Variants in IRS2 observed in about 807,000 individuals in gnomAD.
The protein encoded by IRS2 is insulin receptor substrate 2.
Under a neutral mutation model 70.9 loss-of-function variants are expected in IRS2, and 28 were observed. The observed-to-expected ratio is 0.39, with a 90% CI of 0.29 to 0.54. The LOEUF is 0.54. IRS2 is among the 20% of genes least tolerant of loss of function. IRS2 has a pLI of 0.59. For synonymous variants in IRS2, 1,217 were observed against 981.9 expected (o/e 1.24, Z -4.48); for missense variants, 2,081 against 2,024.1 (o/e 1.03, Z -0.54).
At chr13:109,762,068 T>C (rs1021198619) in intron 1 of IRS2, among the ~76,000 whole-genome samples, 3 of 152,180 alleles carry the variant, frequency 2.0e-5, no homozygotes, top group African/African-American at 7.2e-5. Context: ...CCTCTACACA[T>C]TCAACTTTCC....
intron 1 of IRS2, among the ~76,000 whole-genome samples, chr13:109,756,671 G>A (rs1877113694): frequency 6.6e-6 from 1 of 152,218 alleles, no homozygotes; most frequent in Admixed American, 6.5e-5. Flanking sequence ...AATGACCCCT[G>A]TAACTCCTTA....
At position 109,786,081 on chromosome 13, in the gene IRS2, G is replaced by A. The variant is rs1408035553; in HGVS notation, c.-28C>T. The A allele has an allele frequency of 2.9e-6, 3 of 1,048,476 alleles. No individual in the cohort carries two copies. Among genetic ancestry groups the A allele is most frequent in the Non-Finnish European group, 3.4e-6 (3 of 876,834 alleles). The allele number at this position is 1,048,476 out of a possible 1,614,324, so 64.9% of individuals were successfully genotyped here. ...CGGGCGCTTCAGGCCGCGCGGCCCG[G>A]GCCCGGCGCCCAGGGGTTGGGGCGA... On this transcript the variant is annotated 5_prime_UTR_variant, in exon 1 of 2. Transcript: ENST00000375856. The surrounding 1 kb of genome is among the most constrained non-coding windows in gnomAD (Gnocchi z 4.4).
chr13:109,783,055 C>A lies in IRS2; in HGVS notation c.2999G>T (p.Gly1000Val). 7.3e-7 allele frequency: 1 copy of A among 1,376,456 alleles called. No homozygotes were observed. Among genetic ancestry groups the A allele is most frequent in the Non-Finnish European group, 9.3e-7 (1 of 1,070,972 alleles). The allele number at this position is 1,376,456 out of a possible 1,614,324, so 85.3% of individuals were successfully genotyped here. Reference sequence around the variant, plus strand: ...GGGGGACAGGAGGCCGTCCAAGGAGCCCACGGGGTGGCCGCTCGGGGCGCC... The same window carrying A: ...GGGGGACAGGAGGCCGTCCAAGGAGACCACGGGGTGGCCGCTCGGGGCGCC... ...KPGAPSGHPVGSLDGLLSPEA... is the reference protein window; with the variant it reads ...KPGAPSGHPVVSLDGLLSPEA... The change falls in exon 1 of 2, where the codon GGC becomes GTC. Residue 1000 changes from glycine to valine, a missense_variant. This residue lies in a region of IRS2 where 1,615 missense variants were observed against 1,459.5 expected (regional missense o/e 1.11). Coordinates refer to ENST00000375856, the MANE Select transcript of IRS2 (RefSeq NM_003749.3).
rs1207111447 is a variant in IRS2 at position 109,753,727 on chromosome 13, T to TC, written c.*2576dup. ...AAAAGTTTTAAAATTAAAAGGGGTA[T>TC]CCAAGTATTTTTAGGAGCCTAGTAT... On this transcript the variant is annotated 3_prime_UTR_variant, in exon 2 of 2. Transcript: ENST00000375856. 5.3e-5 allele frequency: 10 copies of TC among 190,286 alleles called. No homozygotes were observed. The highest frequency in any genetic ancestry group is 2.3e-4 in the African/African-American group (10 of 42,986). The allele number at this position is 190,286 out of a possible 1,614,324, so 11.8% of individuals were successfully genotyped here. A position where few individuals can be genotyped will look rare whatever the true frequency, so the allele number is the denominator to read the frequency against.
At position 109,754,257 on chromosome 13, in the gene IRS2, G is replaced by C. The variant is rs892338627; in HGVS notation, c.*2047C>G. On this transcript the variant is annotated 3_prime_UTR_variant, in exon 2 of 2. Coordinates refer to ENST00000375856, the MANE Select transcript of IRS2 (RefSeq NM_003749.3). ...AAACTAAATTAAAAATGTAAATATT[G>C]CATATGCCTTTTTGTGAAATGTACA... 4.8e-5 allele frequency: 11 copies of C among 229,620 alleles called. No homozygotes were observed. The highest frequency in any genetic ancestry group is 2.0e-4 in the African/African-American group (9 of 45,134). 14.2% of individuals were successfully genotyped at this position (229,620 alleles called of 1,614,324 possible).
At chr13:109,770,373 G>A (rs1877425486) in intron 1 of IRS2, among the ~76,000 whole-genome samples, 1 of 152,240 alleles carries the variant, frequency 6.6e-6, no homozygotes. Flanking sequence ...AGGAGAGCTT[G>A]GAGGCAAGGC....
intron 1 of IRS2, among the ~76,000 whole-genome samples, chr13:109,762,883 C>T (rs895074042): frequency 1.5e-4 from 23 of 152,188 alleles, no homozygotes; most frequent in Admixed American, 1.2e-3. Flanking sequence ...TTTAGGACTG[C>T]GTGAGACCCA....
Position 109,769,256 on chromosome 13 carries a change from T to C in IRS2, c.4012+12786A>G, listed in dbSNP as rs1038112350. On this transcript the variant is annotated intron_variant, in intron 1 of 1. Coordinates refer to ENST00000375856, the MANE Select transcript of IRS2 (RefSeq NM_003749.3). ...GATGATGGAATTGATGGCTACAGTA[T>C]GAAAGTTTTTAAAAGCTCTGCATAT... Among the ~76,000 whole-genome samples, 8 of 152,346 alleles carry C rather than the reference T, an allele frequency of 5.3e-5. No homozygotes were observed. The South Asian group carries it at 1.7e-3, about 32-fold the overall frequency.
chr13:109,761,194 G>C (rs1463782979), intron 1 of IRS2, among the ~76,000 whole-genome samples: 1 of 152,230 alleles, frequency 6.6e-6, no homozygotes, highest in Non-Finnish European at 1.5e-5. Context: ...CCATGGCACG[G>C]CTGTGGGACA....
chr13:109,784,772 T>G lies in IRS2; in HGVS notation c.1282A>C (p.Ser428Arg), dbSNP rs1020638487. ...GCCACGGGCATGGACATGGAGCGGCTGTGTTGCAGCGCGCCCCCTGCCGGC... is the reference window on the plus strand; with the variant it reads ...GCCACGGGCATGGACATGGAGCGGCGGTGTTGCAGCGCGCCCCCTGCCGGC... ...LLPAGGALQH[S>R]RSMSMPVAHS... The change falls in exon 1 of 2, where the codon AGC becomes CGC. Residue 428 changes from serine to arginine, a missense_variant. Around this residue, in one of 4 missense-constraint regions of IRS2, gnomAD observed 1,615 missense variants for 1,459.5 expected, o/e 1.11. Transcript: ENST00000375856. This position sits in a 1 kb window ranked among gnomAD's most constrained non-coding sequence, Gnocchi z 5.2. 1.0e-5 allele frequency: 13 copies of G among 1,251,298 alleles called. No homozygotes were observed. Among genetic ancestry groups the G allele is most frequent in the Non-Finnish European group, 1.3e-5 (13 of 998,374 alleles). The allele number at this position is 1,251,298 out of a possible 1,614,324, so 77.5% of individuals were successfully genotyped here. A position where few individuals can be genotyped will look rare whatever the true frequency, so the allele number is the denominator to read the frequency against.
chr13:109,776,003 G>A (rs1485477224), intron 1 of IRS2, among the ~76,000 whole-genome samples: 1 of 151,950 alleles, frequency 6.6e-6, no homozygotes, highest in Non-Finnish European at 1.5e-5. Context: ...CAAAAAATTA[G>A]CAGGGCATGG....
In IRS2 at chr13:109,781,796, G is replaced by C. The variant is rs560272329; in HGVS notation, c.4012+246C>G. ...CGCACAGAATGGGTGAATGGGTGGG[G>C]CCTCAAAAAATCAGTCTCCCTCCCA... On this transcript the variant is annotated intron_variant, in intron 1 of 1. Coordinates refer to ENST00000375856, the MANE Select transcript of IRS2 (RefSeq NM_003749.3). 9.9e-5 allele frequency among the ~76,000 whole-genome samples: 15 copies of C among 151,770 alleles called. 1 individual carries two copies. In the South Asian group the frequency reaches 2.9e-3, roughly 29 times the overall value.
intron 1 of IRS2, among the ~76,000 whole-genome samples, chr13:109,767,253 C>A (rs1877356028): frequency 6.6e-6 from 1 of 152,148 alleles, no homozygotes; most frequent in Non-Finnish European, 1.5e-5. Flanking sequence ...TCAGTGTGCA[C>A]CCTGGCTCCT....
intron 1 of IRS2, among the ~76,000 whole-genome samples, chr13:109,779,252 T>A (rs1162816707): frequency 2.0e-5 from 3 of 152,218 alleles, no homozygotes; most frequent in Non-Finnish European, 4.4e-5. Flanking sequence ...TTATTCTGCA[T>A]CAGCATCACT....
rs774162593 is a variant in IRS2, at chr13:109,785,521, G to A, written c.533C>T (p.Ala178Val). 4.4e-6 allele frequency: 7 copies of A among 1,600,584 alleles called. No individual in the cohort carries two copies. The highest frequency in any genetic ancestry group is 5.1e-6 in the Non-Finnish European group (6 of 1,174,166). The change falls in exon 1 of 2, where the codon GCC (alanine) becomes GTC (valine). Residue 178 changes from alanine to valine, a missense_variant. Around this residue, in one of 4 missense-constraint regions of IRS2, gnomAD observed 320 missense variants for 352.9 expected, o/e 0.91. Coordinates refer to ENST00000375856, the MANE Select transcript of IRS2 (RefSeq NM_003749.3). This position sits in a 1 kb window ranked among gnomAD's most constrained non-coding sequence, Gnocchi z 9.3. ...PGALGGSAGA[A>V]GAEDSYGLVA... is the part of the protein sequence containing the mutation. ...CAGCCCGTAGCTGTCCTCGGCCCCG[G>A]CGGCGCCGGCAGAGCCGCCCAGGGC...
At chr13:109,767,575 G>A (rs1046715078) in intron 1 of IRS2, among the ~76,000 whole-genome samples, 1 of 152,006 alleles carries the variant, frequency 6.6e-6, no homozygotes, top group Non-Finnish European at 1.5e-5. Flanking sequence ...TAACCACCTT[G>A]TTAGTAACCA....
chr13:109,756,445 A>G, intron 1 of IRS2, 137 bp from the exon 2 acceptor site: 1 of 744,970 alleles, frequency 1.3e-6, no homozygotes, highest in Admixed American at 2.1e-5. Context: ...AGAAAGAAAC[A>G]TGTATTCATT....
In IRS2 at chr13:109,785,172, G is replaced by C. The variant is rs1457891551; in HGVS notation, c.882C>G (p.Leu294=). Residue 294 remains leucine, a synonymous_variant, in exon 1 of 2, where the codon CTC becomes CTG. Transcript: ENST00000375856. The surrounding 1 kb of genome is among the most constrained non-coding windows in gnomAD (Gnocchi z 9.3). ...GCGGCCGGAACTCGAAGAGCTCCTT[G>C]AGCGCCTTCATGGCCTCCAGGATGG... is the stretch of plus-strand genomic sequence containing the variant. ...HETILEAMKA[L]KELFEFRPRS... 6.2e-7 allele frequency: 1 copy of C among 1,600,926 alleles called. No individual in the cohort carries two copies. The highest frequency in any genetic ancestry group is 8.5e-7 in the Non-Finnish European group (1 of 1,174,606).
chr13:109,765,883 C>A (rs376818279), intron 1 of IRS2, among the ~76,000 whole-genome samples: 1,741 of 66,596 alleles, frequency 0.026, no homozygotes, highest in Non-Finnish European at 0.051. Context: ...TCCACCTTGG[C>A]TCCAACTCCC....
Sources: gnomAD v4.1 joint callset for allele counts (sites outside exome capture counted in the v4.1 genomes callset) on GRCh38, gnomAD v4.1.1 for gene constraint, gnomAD v4.1.1 regional missense constraint, Gnocchi (gnomAD v3.1) non-coding constraint, MANE v1.5 for transcripts, NCBI Gene and HGNC (gene_info 2026-07-23, HGNC 2026-07-21) for gene names.